IPMK: variants seen among roughly 807,000 people sequenced by gnomAD.
IPMK encodes the protein inositol polyphosphate multikinase, also known as inositol 1,3,4,6-tetrakisphosphate 5-kinase.
In IPMK, 17 loss-of-function variants were observed where a neutral mutation model predicts 45.8. The observed-to-expected ratio is 0.37, with a 90% CI of 0.25 to 0.56. The LOEUF (loss-of-function observed/expected upper bound fraction) is 0.56, where lower values mean the gene tolerates loss of function less well. Among genes scored for constraint, IPMK ranks in the 20% least tolerant of loss-of-function variants. IPMK has a pLI of 0.79. For synonymous variants in IPMK, 180 were observed against 184.3 expected, an observed-to-expected ratio of 0.98 and a Z score of 0.19; for missense variants, 399 against 498.0, an observed-to-expected ratio of 0.80 and a Z score of 1.89.
At position 58,207,114 on chromosome 10, in the gene IPMK, T is replaced by A. The variant is rs1177640448; in HGVS notation, c.547-7793A>T. Among the ~76,000 whole-genome samples the A allele has an allele frequency of 2.0e-5, 3 of 152,204 alleles. No individual in the cohort carries two copies. The East Asian group carries it at 5.8e-4, about 29-fold the overall frequency. Reference sequence around the variant, plus strand: ...GCCTCCTGGGTTCAAGCGATTCTCCTGCCTCAGCCTCCTGAGTAGCTAGGA... The same window carrying A: ...GCCTCCTGGGTTCAAGCGATTCTCCAGCCTCAGCCTCCTGAGTAGCTAGGA... On this transcript the variant is annotated intron_variant, in intron 4 of 5. Transcript: ENST00000373935.
intron 1 of IPMK, among the ~76,000 whole-genome samples, chr10:58,254,561 G>A (rs1838936061): frequency 6.6e-6 from 1 of 151,848 alleles, no homozygotes; most frequent in African/African-American, 2.4e-5. Context: ...TTCATTATTG[G>A]AGTTGAACTG....
At chr10:58,245,056 A>AAT (rs1554824769) in intron 1 of IPMK, among the ~76,000 whole-genome samples, 2 of 143,078 alleles carry the variant, frequency 1.4e-5, no homozygotes, top group Admixed American at 6.8e-5. Flanking sequence ...AAAAAAAAAA[A>AAT]AATAATAAAA....
chr10:58,223,704 A>G (rs146798977), intron 3 of IPMK, among the ~76,000 whole-genome samples: 69 of 152,318 alleles, frequency 4.5e-4, no homozygotes, highest in African/African-American at 1.6e-3. Context: ...ACCAAATCTC[A>G]TCTCTAATTG....
chr10:58,213,685 CAAAAAAAAAAAG>C (rs775509436), intron 4 of IPMK, among the ~76,000 whole-genome samples: 2,753 of 86,574 alleles, frequency 0.032, 88 homozygotes, highest in African/African-American at 0.097. Context: ...GACTCCGTCT[CAAAAAAAAAAAG>C]AAAAAAAAAA....
chr10:58,211,919 A>AT (rs1554823048), intron 4 of IPMK, among the ~76,000 whole-genome samples: 5 of 148,188 alleles, frequency 3.4e-5, no homozygotes, highest in African/African-American at 1.3e-4. Flanking sequence ...AAAAAAAAAA[A>AT]AAAAAATTTG....
At chr10:58,234,219 T>C (rs922182688) in intron 2 of IPMK, among the ~76,000 whole-genome samples, 2 of 152,088 alleles carry the variant, frequency 1.3e-5, no homozygotes, top group African/African-American at 2.4e-5. Flanking sequence ...AGAATCAATA[T>C]GTGAAAATGG....
At position 58,191,710 on chromosome 10, in the gene IPMK, C is replaced by A. The variant is rs1280640198; in HGVS notation, c.*4366G>T. The A allele has an allele frequency of 1.4e-5, 2 of 146,750 alleles. No individual in the cohort carries two copies. The highest frequency in any genetic ancestry group is 3.0e-5 in the Non-Finnish European group (2 of 66,856). 9.1% of individuals were successfully genotyped at this position (146,750 alleles called of 1,614,324 possible). A position where few individuals can be genotyped will look rare whatever the true frequency, so the allele number is the denominator to read the frequency against. ...AATTACAAACACATTTAAAAAAAAA[C>A]CCTAAAGACATTTATACATTTAAAC... On this transcript the variant is annotated 3_prime_UTR_variant, in exon 6 of 6. Coordinates refer to ENST00000373935, the MANE Select transcript of IPMK (RefSeq NM_152230.5).
intron 1 of IPMK, among the ~76,000 whole-genome samples, chr10:58,250,717 A>T (rs1436356656): frequency 6.6e-6 from 1 of 152,208 alleles, no homozygotes; most frequent in Non-Finnish European, 1.5e-5. Context: ...TTCCACTCAA[A>T]TAGGAGTAGT....
intron 1 of IPMK, among the ~76,000 whole-genome samples, chr10:58,266,595 T>TA (rs1839151040): frequency 6.6e-6 from 1 of 152,138 alleles, no homozygotes; most frequent in Admixed American, 6.5e-5. Context: ...AGATCCACAA[T>TA]ACTCACATAC....
intron 3 of IPMK, among the ~76,000 whole-genome samples, chr10:58,224,607 C>T (rs933806875): frequency 2.6e-5 from 4 of 152,090 alleles, no homozygotes; most frequent in Non-Finnish European, 5.9e-5. Flanking sequence ...GAAAAAACCT[C>T]ATTGGTCAGA....
In IPMK at chr10:58,267,635, G is replaced by A. The variant is rs1839172309; in HGVS notation, c.-24C>T. The stretch of plus-strand genomic sequence containing the variant: ...ATAACGGAGAGCAGAAGCGGTAACG[G>A]CAGCGAGAGTAGGAAAAAAAATAGG... On this transcript the variant is annotated 5_prime_UTR_variant, in exon 1 of 6. Coordinates refer to ENST00000373935, the MANE Select transcript of IPMK (RefSeq NM_152230.5). The A allele has an allele frequency of 4.5e-6, 7 of 1,538,718 alleles. No individual in the cohort carries two copies. The highest frequency in any genetic ancestry group is 2.3e-4 in the Middle Eastern group (1 of 4,438).
intron 1 of IPMK, among the ~76,000 whole-genome samples, chr10:58,244,285 C>T (rs1429899741): frequency 1.6e-5 from 2 of 125,040 alleles, no homozygotes; most frequent in South Asian, 2.9e-4. Flanking sequence ...CCAGCCGCCC[C>T]GTCGGGGAAG....
intron 1 of IPMK, among the ~76,000 whole-genome samples, chr10:58,241,506 A>G (rs184537659): frequency 6.6e-6 from 1 of 152,200 alleles, no homozygotes; most frequent in East Asian, 1.9e-4. Context: ...CAGAATTTCA[A>G]ATCTGTGGTG....
At chr10:58,206,026 T>C (rs1838065323) in intron 4 of IPMK, among the ~76,000 whole-genome samples, 2 of 152,190 alleles carry the variant, frequency 1.3e-5, no homozygotes, top group Admixed American at 1.3e-4. Context: ...CAGTTATTAG[T>C]AGCCCAGAAG....
intron 1 of IPMK, among the ~76,000 whole-genome samples, chr10:58,245,045 T>TA (rs148706659): frequency 0.23 from 28,172 of 121,366 alleles, 3,749 homozygotes; most frequent in East Asian, 0.46. Context: ...CAATAAATAC[T>TA]AAAAAAAAAA....
Position 58,196,488 on chromosome 10 carries a change from T to G in IPMK, c.839A>C (p.Lys280Thr). ...TACTTCTGTGTCTGACAGTTGTCCT[T>G]TGGACAAAAACTTTTCTGCCAAAGT... Reference protein sequence around the residue: ...DRTLAEKFLSKGQLSDTEVLE... With the variant: ...DRTLAEKFLSTGQLSDTEVLE... The change falls in exon 6 of 6, where the codon AAA (lysine) becomes ACA (threonine). Residue 280 changes from lysine (K) to threonine (T), a missense_variant. Transcript: ENST00000373935. The G allele has an allele frequency of 6.2e-7, 1 of 1,614,032 alleles. No homozygotes were observed. The highest frequency in any genetic ancestry group is 1.3e-5 in the African/African-American group (1 of 75,058).
At chr10:58,212,442 A>G (rs1838179060) in intron 4 of IPMK, 1 of 167,136 alleles carries the variant, frequency 6.0e-6, no homozygotes, top group Non-Finnish European at 1.4e-5. Context: ...TGACATCAGT[A>G]CCATTTGTCT....
intron 2 of IPMK, 115 bp from the exon 3 acceptor site, chr10:58,227,254 C>A: frequency 1.3e-6 from 1 of 753,594 alleles, no homozygotes; most frequent in Non-Finnish European, 2.1e-6. Flanking sequence ...GCTTCAATTG[C>A]AAGTAAATTT....
chr10:58,228,058 T>C (rs1424459170), intron 2 of IPMK, among the ~76,000 whole-genome samples: 2 of 152,208 alleles, frequency 1.3e-5, no homozygotes, highest in African/African-American at 4.8e-5. Context: ...AAGTGGTACA[T>C]TGTATTTCCC....
Sources: allele counts gnomAD v4.1 joint callset (sites outside exome capture counted in the v4.1 genomes callset), GRCh38; gene constraint gnomAD v4.1.1; transcripts MANE v1.5; gene names NCBI Gene and HGNC (gene_info 2026-07-23, HGNC 2026-07-21).